The following CFAP36 variants were observed in gnomAD, a reference collection of about 807,000 sequenced individuals.
CFAP36 encodes cilia- and flagella-associated protein 36.
CFAP36 carries 37 observed loss-of-function variants against 50.5 expected under a neutral mutation model. That is an observed-to-expected ratio of 0.73 (90% CI 0.56 to 0.96). The LOEUF (loss-of-function observed/expected upper bound fraction) is 0.96, where lower values mean the gene tolerates loss of function less well. Among genes scored for constraint, CFAP36 ranks in the 50% least tolerant of loss-of-function variants. The pLI is 0.00. For synonymous variants in CFAP36, 138 were observed against 128.2 expected (o/e 1.08, Z -0.52); for missense variants, 407 against 396.2 (o/e 1.03, Z -0.23).
intron 7 of CFAP36, chr2:55,539,047 A>T: frequency 1.5e-6 from 1 of 647,026 alleles, no homozygotes; most frequent in African/African-American, 1.9e-5. Flanking sequence ...GTACATGCCT[A>T]GCCTCTCCCA....
chr2:55,537,876 G>C (rs915794874), intron 7 of CFAP36, among the ~76,000 whole-genome samples: 2 of 152,204 alleles, frequency 1.3e-5, no homozygotes, highest in African/African-American at 4.8e-5. Context: ...GCTTACAAGA[G>C]AGGTTCACAT....
At chr2:55,537,179 C>T (rs1553455209) in intron 6 of CFAP36, among the ~76,000 whole-genome samples, 2 of 151,992 alleles carry the variant, frequency 1.3e-5, no homozygotes, top group Non-Finnish European at 2.9e-5. Context: ...GAATTCGAGA[C>T]CAGCAACATG....
intron 3 of CFAP36, among the ~76,000 whole-genome samples, 186 bp from the exon 4 acceptor site, chr2:55,528,692 G>A (rs187394907): frequency 2.4e-4 from 37 of 152,156 alleles, no homozygotes; most frequent in East Asian, 1.5e-3. Flanking sequence ...CACCGTGCCC[G>A]GCTGAGAACC....
intron 1 of CFAP36, among the ~76,000 whole-genome samples, chr2:55,521,005 C>G (rs964886294): frequency 6.6e-6 from 1 of 152,126 alleles, no homozygotes; most frequent in Non-Finnish European, 1.5e-5. Flanking sequence ...GTCGGTTATC[C>G]TGGATGACCT....
At chr2:55,520,130 C>T (rs534433978) in intron 1 of CFAP36, among the ~76,000 whole-genome samples, 2 of 152,314 alleles carry the variant, frequency 1.3e-5, no homozygotes, top group African/African-American at 4.8e-5. Flanking sequence ...CCAATGTGTT[C>T]CTTCGCAGAC....
chr2:55,522,174 T>C lies in CFAP36; in HGVS notation c.180+8T>C. The C allele has an allele frequency of 3.5e-6, 5 of 1,408,772 alleles. No individual in the cohort carries two copies. The highest frequency in any genetic ancestry group is 2.3e-5 in the East Asian group (1 of 42,616). 87.3% of individuals were successfully genotyped at this position (1,408,772 alleles called of 1,614,324 possible). ...CAGGAATACAAAGAACTAGTGAGTA[T>C]TTTTTTTCACTGATTTTTAAAAGTA... On this transcript the variant is annotated splice_region_variant and intron_variant, in intron 2 of 9. Coordinates refer to ENST00000349456, the MANE Select transcript of CFAP36 (RefSeq NM_080667.7).
Position 55,519,861 on chromosome 2 carries a change from G to C in CFAP36, c.60G>C (p.Leu20=). ...EWVVESIAGF[L]RGPDWSIPIL... ...TAGTGGAGAGCATCGCGGGGTTCCT[G>C]CGAGGCCCAGACTGGTCCATCCCCA... is the stretch of plus-strand genomic sequence containing the variant. Residue 20 remains leucine, a synonymous_variant, in exon 1 of 10, where the codon CTG becomes CTC. Transcript: ENST00000349456. 2 of 1,614,244 alleles carry C rather than the reference G, an allele frequency of 1.2e-6. No homozygotes were observed. The highest frequency in any genetic ancestry group is 8.5e-7 in the Non-Finnish European group (1 of 1,180,042).
chr2:55,540,866 A>C (rs2103667579), intron 7 of CFAP36, among the ~76,000 whole-genome samples: 1 of 152,044 alleles, frequency 6.6e-6, no homozygotes, highest in South Asian at 2.1e-4. Context: ...TACAAAAATT[A>C]GCCAGGCATG....
At chr2:55,544,453 T>A in intron 9 of CFAP36, 84 bp downstream of exon 9, 1 of 1,437,496 alleles carries the variant, frequency 7.0e-7, no homozygotes, top group Non-Finnish European at 9.3e-7. Flanking sequence ...AAGCCTCTAA[T>A]AAATTTTGCT....
chr2:55,534,522 T>A (rs1002406993), intron 5 of CFAP36, among the ~76,000 whole-genome samples: 3 of 152,140 alleles, frequency 2.0e-5, no homozygotes, highest in Non-Finnish European at 4.4e-5. Context: ...ACTAATGGGG[T>A]CCACACAGAA....
intron 7 of CFAP36, among the ~76,000 whole-genome samples, chr2:55,538,196 T>C (rs1291080783): frequency 1.3e-5 from 2 of 152,220 alleles, no homozygotes; most frequent in East Asian, 1.9e-4. Context: ...ATTCAGTTCA[T>C]TTTATTATGG....
intron 3 of CFAP36, 93 bp downstream of exon 3, chr2:55,523,915 G>A (rs2103633895): frequency 2.6e-6 from 2 of 780,586 alleles, no homozygotes; most frequent in East Asian, 5.4e-5. Flanking sequence ...TTGACAAAGT[G>A]TAATATTTTA....
At chr2:55,541,746 A>G (rs1684644106) in intron 7 of CFAP36, among the ~76,000 whole-genome samples, 1 of 152,222 alleles carries the variant, frequency 6.6e-6, no homozygotes. Context: ...ATGTTGAATC[A>G]GAAAGGTGAG....
chr2:55,524,417 G>A (rs1360160218), intron 3 of CFAP36, among the ~76,000 whole-genome samples: 4 of 133,102 alleles, frequency 3.0e-5, no homozygotes, highest in Admixed American at 2.6e-4. Flanking sequence ...CAGCACACAT[G>A]GCTAATTTTT....
chr2:55,520,444 C>A, intron 1 of CFAP36: 2 of 1,548,586 alleles, frequency 1.3e-6, no homozygotes, highest in Non-Finnish European at 1.7e-6. Context: ...CCAGGAAGCC[C>A]AGAGCCGGTG....
intron 1 of CFAP36, among the ~76,000 whole-genome samples, chr2:55,520,170 C>G (rs1416008668): frequency 6.6e-6 from 1 of 152,188 alleles, no homozygotes; most frequent in East Asian, 1.9e-4. Flanking sequence ...CTCCCCTTCT[C>G]TGGGGCCGAA....
chr2:55,521,487 A>G (rs907592934), intron 1 of CFAP36, among the ~76,000 whole-genome samples: 2 of 152,002 alleles, frequency 1.3e-5, no homozygotes, highest in Non-Finnish European at 2.9e-5. Context: ...TGAAGAAATT[A>G]TTGCCTCATA....
At chr2:55,531,220 T>C (rs1454090500) in intron 4 of CFAP36, 1 of 152,212 alleles carries the variant, frequency 6.6e-6, no homozygotes, top group Non-Finnish European at 1.5e-5. Context: ...GCCTCTGAAT[T>C]TTCCTGAAAA....
chr2:55,533,166 ACT>A (rs1287283110), intron 4 of CFAP36, among the ~76,000 whole-genome samples: 10 of 152,032 alleles, frequency 6.6e-5, no homozygotes, highest in Non-Finnish European at 1.3e-4. Context: ...TTGTTTTGTG[ACT>A]CTTCTCATTT....
Sources: gnomAD v4.1 joint callset for allele counts (sites outside exome capture counted in the v4.1 genomes callset) on GRCh38, gnomAD v4.1.1 for gene constraint, MANE v1.5 for transcripts, NCBI Gene and HGNC (gene_info 2026-07-23, HGNC 2026-07-21) for gene names.